NUBPL: variants seen among roughly 807,000 people sequenced by gnomAD.
The protein encoded by NUBPL is NUBP iron-sulfur cluster assembly factor, mitochondrial, also known as iron-sulfur cluster transfer protein NUBPL.
In NUBPL, 31 loss-of-function variants were observed where a neutral mutation model predicts 45.7. That is an observed-to-expected ratio of 0.68 (90% CI 0.51 to 0.92). The LOEUF (loss-of-function observed/expected upper bound fraction) is 0.92, where lower values mean the gene tolerates loss of function less well. Among genes scored for constraint, NUBPL ranks in the 40% least tolerant of loss-of-function variants. The probability of loss-of-function intolerance (pLI) is 0.00; values close to 1 mark genes in which losing one functional copy is unlikely to be tolerated. For synonymous variants in NUBPL, 144 were observed against 140.9 expected (o/e 1.02, Z -0.15); for missense variants, 401 against 398.7 (o/e 1.01, Z -0.05).
chr14:31,608,796 A>C (rs1393993882), intron 4 of NUBPL, among the ~76,000 whole-genome samples: 1 of 152,018 alleles, frequency 6.6e-6, no homozygotes, highest in East Asian at 1.9e-4. Context: ...CCTGCTACTC[A>C]CCTCCTGCTG....
rs112879758 is a variant in NUBPL, at chr14:31,693,611, A to G, written c.513+20037A>G. Among the ~76,000 whole-genome samples the G allele has an allele frequency of 3.9e-4, 59 of 152,178 alleles. 1 individual carries two copies. Among genetic ancestry groups the G allele is most frequent in the African/African-American group, 1.3e-3 (52 of 41,566 alleles). ...CTATGCATTAACTATAGGTGAAGTC[A>G]TTGAATATTGTTATTGTCAGTTTGG... On this transcript the variant is annotated intron_variant, in intron 6 of 10. Transcript: ENST00000281081.
At chr14:31,753,046 G>A (rs186455710) in intron 6 of NUBPL, among the ~76,000 whole-genome samples, 1 of 152,242 alleles carries the variant, frequency 6.6e-6, no homozygotes, top group East Asian at 1.9e-4. Flanking sequence ...CAATGGGTGG[G>A]GATTACATTT....
chr14:31,829,207 T>G (rs1337647537), intron 8 of NUBPL, among the ~76,000 whole-genome samples: 1 of 152,158 alleles, frequency 6.6e-6, no homozygotes, highest in African/African-American at 2.4e-5. Flanking sequence ...AAGTTGAAAT[T>G]TATAGTTCTT....
chr14:31,609,849 A>C (rs1253230825), intron 4 of NUBPL, among the ~76,000 whole-genome samples: 4 of 152,194 alleles, frequency 2.6e-5, no homozygotes. Flanking sequence ...TAAGAAGGAA[A>C]TTGAAAAATT....
chr14:31,853,430 C>T (rs1010952680), intron 10 of NUBPL, among the ~76,000 whole-genome samples: 2 of 152,116 alleles, frequency 1.3e-5, no homozygotes, highest in Admixed American at 6.5e-5. Context: ...AACGTTTAAT[C>T]GTTAGCTTTT....
chr14:31,850,079 A>G, intron 9 of NUBPL, 40 bp from the exon 10 acceptor site: 1 of 1,500,080 alleles, frequency 6.7e-7, no homozygotes, highest in Non-Finnish European at 9.3e-7. Flanking sequence ...GCCTATATGA[A>G]CTTTTCTGGT....
At chr14:31,742,871 T>G (rs1297848378) in intron 6 of NUBPL, among the ~76,000 whole-genome samples, 1 of 151,736 alleles carries the variant, frequency 6.6e-6, no homozygotes, top group Non-Finnish European at 1.5e-5. Context: ...CCTCCCGAAG[T>G]GCTGGGATTA....
At chr14:31,669,371 T>C (rs1595467188) in intron 4 of NUBPL, among the ~76,000 whole-genome samples, 1 of 152,320 alleles carries the variant, frequency 6.6e-6, no homozygotes, top group African/African-American at 2.4e-5. Context: ...ATGTAGTATT[T>C]GAATTTCTGT....
intron 7 of NUBPL, among the ~76,000 whole-genome samples, chr14:31,793,055 C>T (rs569805547): frequency 1.3e-5 from 2 of 152,240 alleles, no homozygotes; most frequent in Admixed American, 6.5e-5. Context: ...TTATCATTGA[C>T]TTTAGAACTC....
chr14:31,747,166 C>T (rs568257067), intron 6 of NUBPL, among the ~76,000 whole-genome samples: 5 of 134,178 alleles, frequency 3.7e-5, no homozygotes, highest in East Asian at 2.2e-4. Flanking sequence ...GTCGGAGTCT[C>T]GCTGTGTTGC....
At chr14:31,798,124 C>T (rs985549822) in intron 7 of NUBPL, among the ~76,000 whole-genome samples, 2 of 152,124 alleles carry the variant, frequency 1.3e-5, no homozygotes, top group East Asian at 1.9e-4. Flanking sequence ...TGATGTTGTG[C>T]CCCCTTATCT....
chr14:31,610,415 G>A (rs1227853753), intron 4 of NUBPL, among the ~76,000 whole-genome samples: 1 of 151,684 alleles, frequency 6.6e-6, no homozygotes, highest in Non-Finnish European at 1.5e-5. Context: ...CAAGATCAAT[G>A]CTGTAATAAA....
intron 6 of NUBPL, among the ~76,000 whole-genome samples, chr14:31,741,383 A>G (rs1417487961): frequency 6.6e-6 from 1 of 152,126 alleles, no homozygotes; most frequent in East Asian, 1.9e-4. Context: ...GGTGGGACAG[A>G]ATGACTAGAG....
chr14:31,568,543 A>C (rs1288455101), intron 3 of NUBPL, among the ~76,000 whole-genome samples: 2 of 152,238 alleles, frequency 1.3e-5, no homozygotes, highest in African/African-American at 4.8e-5. Flanking sequence ...GATTCATCAA[A>C]TGAATCTTCG....
At chr14:31,756,215 A>G (rs916303069) in intron 6 of NUBPL, among the ~76,000 whole-genome samples, 1 of 152,274 alleles carries the variant, frequency 6.6e-6, no homozygotes, top group Middle Eastern at 3.4e-3. Context: ...ACTTTAAAGT[A>G]GTTTTTTCGA....
chr14:31,750,275 C>T (rs929276280), intron 6 of NUBPL, among the ~76,000 whole-genome samples: 3 of 150,480 alleles, frequency 2.0e-5, no homozygotes, highest in Non-Finnish European at 3.0e-5. Flanking sequence ...CCCGGGTTCA[C>T]GCCATTCTCC....
intron 10 of NUBPL, among the ~76,000 whole-genome samples, chr14:31,857,349 C>T (rs1240239384): frequency 6.6e-6 from 1 of 152,186 alleles, no homozygotes; most frequent in Non-Finnish European, 1.5e-5. Flanking sequence ...CCTCCTAGGC[C>T]TCCAGACCTG....
chr14:31,612,989 A>G (rs1175214892), intron 4 of NUBPL, among the ~76,000 whole-genome samples: 1 of 152,112 alleles, frequency 6.6e-6, no homozygotes, highest in Non-Finnish European at 1.5e-5. Context: ...AGATACCTAC[A>G]CTCCCATGTT....
chr14:31,815,931 G>T (rs2039906398), intron 7 of NUBPL, among the ~76,000 whole-genome samples: 1 of 152,122 alleles, frequency 6.6e-6, no homozygotes, highest in Admixed American at 6.6e-5. Context: ...GCTGGATTCG[G>T]TTTGCCAGTA....
Sources: allele counts gnomAD v4.1 joint callset (sites outside exome capture counted in the v4.1 genomes callset), GRCh38; gene constraint gnomAD v4.1.1; transcripts MANE v1.5; gene names NCBI Gene and HGNC (gene_info 2026-07-23, HGNC 2026-07-21).